Variants in COLEC11 observed in about 807,000 individuals in gnomAD.
The protein encoded by COLEC11 is collectin subfamily member 11, also known as collectin-11.
A neutral mutation model predicts 27.3 loss-of-function variants in COLEC11; 20 were observed. The observed-to-expected ratio is 0.73, with a 90% CI of 0.51 to 1.06. COLEC11 has a LOEUF of 1.06. Among genes scored for constraint, COLEC11 ranks in the 50% least tolerant of loss-of-function variants. COLEC11 has a pLI of 0.00. For missense variants in COLEC11, 310 were observed against 383.0 expected (o/e 0.81, Z 1.59); for synonymous variants, 163 against 154.7 (o/e 1.05, Z -0.40).
In COLEC11 at chr2:3,614,383, G is replaced by A. The variant is rs140482318; in HGVS notation, c.202+1001G>A. 2.5e-4 allele frequency among the ~76,000 whole-genome samples: 38 copies of A among 152,088 alleles called. No homozygotes were observed. In the Middle Eastern group the frequency reaches 0.024, roughly 95 times the overall value. ...AAAAAAATTATTATAACAACACAAA[G>A]ATAATTAAATATATATTTAAGCCCA... On this transcript the variant is annotated intron_variant, in intron 3 of 6. Coordinates refer to ENST00000349077, the MANE Select transcript of COLEC11 (RefSeq NM_024027.5).
rs540361265 is a variant in COLEC11, at chr2:3,605,240, G to T, written c.130+770G>T. Among the ~76,000 whole-genome samples the T allele has an allele frequency of 1.8e-3, 275 of 151,720 alleles. 6 individuals carry two copies. The highest frequency in any genetic ancestry group is 6.3e-3 in the African/African-American group (258 of 41,214). On this transcript the variant is annotated intron_variant, in intron 2 of 6. Coordinates refer to ENST00000349077, the MANE Select transcript of COLEC11 (RefSeq NM_024027.5). The stretch of plus-strand genomic sequence containing the variant: ...TGTGCCAGTGTCGGGTGGCAGGGCC[G>T]GGGCTGCACCGGCCGCAGCAGAGTC...
intron 3 of COLEC11, among the ~76,000 whole-genome samples, chr2:3,633,626 G>A (rs1251062790): frequency 1.3e-5 from 2 of 152,204 alleles, no homozygotes; most frequent in African/African-American, 4.8e-5. Context: ...GGGGACCACA[G>A]CTGACCGACG....
In COLEC11 at chr2:3,604,466, C is replaced by T; in HGVS notation, c.126C>T (p.Leu42=). ...CTGTGCAGATCCTCGTCCCTGGCCT[C>T]AAAGGTAACCGCTCCCTGGACTCTG... ...ACSVQILVPG[L]KGDAGEKGDK... is the part of the protein sequence containing the mutation. Residue 42 remains leucine (L), a synonymous_variant, in exon 2 of 7, where the codon CTC becomes CTT. Transcript: ENST00000349077. 2 of 1,614,078 alleles carry T rather than the reference C, an allele frequency of 1.2e-6. No individual in the cohort carries two copies. Among genetic ancestry groups the T allele is most frequent in the Non-Finnish European group, 1.7e-6 (2 of 1,180,038 alleles).
At position 3,642,193 on chromosome 2, in the gene COLEC11, CAG is replaced by C. The variant is rs150336014; in HGVS notation, c.329-1250_329-1249del. Among the ~76,000 whole-genome samples, 258 of 152,332 alleles carry C rather than the reference CAG, an allele frequency of 1.7e-3. 6 individuals carry two copies. In the East Asian group the frequency reaches 0.045, roughly 27 times the overall value. Reference sequence around the variant, plus strand: ...ATCAGAGGGACTTCCCGCCTAGCCACAGGGGCACAGATACTCGATTTTGGAGC... The same window carrying C: ...ATCAGAGGGACTTCCCGCCTAGCCACGGGCACAGATACTCGATTTTGGAGC... On this transcript the variant is annotated intron_variant, in intron 5 of 6. Transcript: ENST00000349077.
chr2:3,611,106 C>G (rs756958748), intron 2 of COLEC11, among the ~76,000 whole-genome samples: 6 of 152,234 alleles, frequency 3.9e-5, no homozygotes, highest in Admixed American at 3.3e-4. Context: ...TTCGCAGCCA[C>G]GAAGGCTTTG....
rs763926251 is a variant in COLEC11, at chr2:3,643,875, A to T, written c.573A>T (p.Ala191=). The T allele has an allele frequency of 6.2e-7, 1 of 1,613,742 alleles. No homozygotes were observed. The change falls in exon 7 of 7, where the codon GCA becomes GCT. Residue 191 remains alanine (A), a synonymous_variant. Transcript: ENST00000349077. ...KDEAANGLMA[A]YLAQAGLARV... is the part of the protein sequence containing the mutation. ...AGGCTGCCAATGGCCTGATGGCCGC[A>T]TACCTGGCGCAAGCCGGCCTGGCCC...
intron 1 of COLEC11, among the ~76,000 whole-genome samples, chr2:3,595,842 C>G (rs1034370693): frequency 1.4e-4 from 22 of 152,204 alleles, no homozygotes; most frequent in Admixed American, 1.4e-3. Flanking sequence ...TGTGGTCGTT[C>G]TCAATTTAAA....
intron 3 of COLEC11, among the ~76,000 whole-genome samples, chr2:3,633,836 G>C (rs78464962): frequency 6.6e-6 from 1 of 152,020 alleles, no homozygotes; most frequent in Admixed American, 6.5e-5. Context: ...CCTCAGGACC[G>C]GTGCGGTGGA....
At chr2:3,630,135 G>GTGTATA (rs1425996577) in intron 3 of COLEC11, among the ~76,000 whole-genome samples, 192 of 109,366 alleles carry the variant, frequency 1.8e-3, no homozygotes, top group African/African-American at 5.8e-3. Context: ...ACATCTCTAT[G>GTGTATA]TGTATATGCA....
At chr2:3,604,965 C>CTT (rs1405198940) in intron 2 of COLEC11, 5 of 387,494 alleles carry the variant, frequency 1.3e-5, no homozygotes, top group Non-Finnish European at 2.1e-5. Flanking sequence ...AAGACAGGAA[C>CTT]TTTTTTTTTT....
intron 3 of COLEC11, among the ~76,000 whole-genome samples, chr2:3,620,564 T>C (rs1226380252): frequency 3.9e-5 from 6 of 152,196 alleles, no homozygotes; most frequent in African/African-American, 1.4e-4. Flanking sequence ...TGATCTTCGT[T>C]ATTTCCTTAC....
At chr2:3,599,891 T>C (rs1474673928) in intron 1 of COLEC11, among the ~76,000 whole-genome samples, 1 of 152,112 alleles carries the variant, frequency 6.6e-6, no homozygotes, top group Non-Finnish European at 1.5e-5. Context: ...CTACATAAAG[T>C]TGAATATAAA....
chr2:3,633,795 C>T (rs1365286745), intron 3 of COLEC11, among the ~76,000 whole-genome samples: 1 of 152,046 alleles, frequency 6.6e-6, no homozygotes, highest in Non-Finnish European at 1.5e-5. Flanking sequence ...GATGCGTGTT[C>T]CCGACCTTCC....
At chr2:3,604,507 G>C in intron 2 of COLEC11, 37 bp downstream of exon 2, 1 of 1,611,174 alleles carries the variant, frequency 6.2e-7, no homozygotes, top group Non-Finnish European at 8.5e-7. Flanking sequence ...CTGGGCAGTG[G>C]CCTCCGGGCC....
chr2:3,609,289 G>T (rs897301900), intron 2 of COLEC11, among the ~76,000 whole-genome samples: 1 of 99,170 alleles, frequency 1.0e-5, no homozygotes, highest in Admixed American at 1.2e-4. Context: ...ACAGTGTAAT[G>T]TGTGGTGCTT....
intron 2 of COLEC11, among the ~76,000 whole-genome samples, chr2:3,607,783 C>T (rs1001422571): frequency 3.3e-5 from 5 of 152,204 alleles, no homozygotes; most frequent in Admixed American, 2.6e-4. Context: ...TACTGCCATT[C>T]TTTAAAACAA....
At chr2:3,626,527 C>T (rs921688507) in intron 3 of COLEC11, among the ~76,000 whole-genome samples, 1 of 152,208 alleles carries the variant, frequency 6.6e-6, no homozygotes, top group African/African-American at 2.4e-5. Context: ...TGCCTGGTGG[C>T]CTGGTGGTTG....
chr2:3,632,906 C>CCG (rs3056495), intron 3 of COLEC11, among the ~76,000 whole-genome samples: 1 of 151,930 alleles, frequency 6.6e-6, no homozygotes, highest in Non-Finnish European at 1.5e-5. Context: ...ACAAACACCA[C>CCG]GGGCTGAGGA....
chr2:3,619,716 C>T (rs1038375770), intron 3 of COLEC11, among the ~76,000 whole-genome samples: 26 of 152,284 alleles, frequency 1.7e-4, no homozygotes, highest in African/African-American at 6.0e-4. Flanking sequence ...ACCTCCGCCT[C>T]CTGAGTTCAA....
Sources: gnomAD v4.1 joint callset for allele counts (sites outside exome capture counted in the v4.1 genomes callset) on GRCh38, gnomAD v4.1.1 for gene constraint, MANE v1.5 for transcripts, NCBI Gene and HGNC (gene_info 2026-07-23, HGNC 2026-07-21) for gene names.